The following TCF4 variants were observed in gnomAD, a reference collection of about 807,000 sequenced individuals.
TCF4 encodes the protein transcription factor 4.
A neutral mutation model predicts 82.1 loss-of-function variants in TCF4; 3 were observed. That is an observed-to-expected ratio of 0.04 (90% confidence interval 0.02 to 0.09). TCF4 has a LOEUF of 0.09. Among genes scored for constraint, TCF4 ranks in the 10% least tolerant of loss-of-function variants. The pLI, the probability that TCF4 is intolerant of heterozygous loss-of-function variation, is 1.00. For missense variants in TCF4, 518 were observed against 852.7 expected (o/e 0.61, Z 4.89); for synonymous variants, 276 against 309.6 (o/e 0.89, Z 1.14).
chr18:55,435,568 C>T (rs910974124), intron 5 of TCF4, among the ~76,000 whole-genome samples: 22 of 152,236 alleles, frequency 1.4e-4, no homozygotes, highest in Admixed American at 3.3e-4. Context: ...AACACTGAAA[C>T]ATGGCTTGTA....
chr18:55,259,901 C>T, intron 13 of TCF4, 48 bp downstream of exon 13: 1 of 1,491,930 alleles, frequency 6.7e-7, no homozygotes, highest in East Asian at 2.3e-5. Context: ...AGGGGGGAAT[C>T]ATTCTTATAA....
intron 17 of TCF4, chr18:55,230,890 T>C (rs1379299462): frequency 6.6e-6 from 1 of 152,176 alleles, no homozygotes; most frequent in East Asian, 1.9e-4. Context: ...TGCACGTAAG[T>C]CAAGAACACT....
intron 6 of TCF4, among the ~76,000 whole-genome samples, chr18:55,376,990 G>C (rs1392220612): frequency 6.6e-6 from 1 of 152,146 alleles, no homozygotes; most frequent in Non-Finnish European, 1.5e-5. Context: ...CAGCACACTT[G>C]AATAATGGCT....
intron 3 of TCF4, among the ~76,000 whole-genome samples, chr18:55,580,063 G>T (rs939884707): frequency 6.6e-6 from 1 of 151,968 alleles, no homozygotes; most frequent in African/African-American, 2.4e-5. Context: ...ATAATTTGCT[G>T]ATGCTGTCAA....
chr18:55,635,923 T>G, exon 1 of TCF4: 1 of 1,576,466 alleles, frequency 6.3e-7, no homozygotes, highest in Non-Finnish European at 8.6e-7. Context: ...GCCGCATAAG[T>G]GCCAATCTAC....
intron 3 of TCF4, among the ~76,000 whole-genome samples, chr18:55,533,386 CG>C (rs769941727): frequency 2.0e-5 from 3 of 152,082 alleles, no homozygotes; most frequent in Non-Finnish European, 4.4e-5. Context: ...CAACAGACCA[CG>C]GGGACCCATA....
At chr18:55,293,963 T>TTA (rs11444091) in intron 8 of TCF4, among the ~76,000 whole-genome samples, 4 of 139,958 alleles carry the variant, frequency 2.9e-5, no homozygotes, top group East Asian at 2.1e-4. Context: ...TTTTTTTTTT[T>TTA]AGAATTCATA....
intron 8 of TCF4, among the ~76,000 whole-genome samples, chr18:55,285,660 A>G (rs1261595468): frequency 6.6e-6 from 1 of 152,212 alleles, no homozygotes; most frequent in Non-Finnish European, 1.5e-5. Context: ...TCATCATCAC[A>G]AAAAGGTCTA....
chr18:55,315,263 T>C (rs1389338302), intron 8 of TCF4, among the ~76,000 whole-genome samples: 1 of 152,176 alleles, frequency 6.6e-6, no homozygotes, highest in African/African-American at 2.4e-5. Flanking sequence ...TAAAGTAGTA[T>C]ACTCTCCTAA....
At chr18:55,426,038 G>A (rs1257094506) in intron 5 of TCF4, among the ~76,000 whole-genome samples, 2 of 151,430 alleles carry the variant, frequency 1.3e-5, no homozygotes, top group Admixed American at 1.3e-4. Flanking sequence ...CCATTTTACA[G>A]CAGACTTGTT....
Position 55,292,020 on chromosome 18 carries a change from G to A in TCF4, c.550-12364C>T, listed in dbSNP as rs2065215897. On this transcript the variant is annotated intron_variant, in intron 8 of 19. Coordinates refer to ENST00000354452, the MANE Select transcript of TCF4 (RefSeq NM_001083962.2). ...GGAGGTGAAAGATGAATTAAGAAGG[G>A]CAATAATATTCCTGAGATAGGACCA... Among the ~76,000 whole-genome samples, 3 of 152,124 alleles carry A rather than the reference G, an allele frequency of 2.0e-5. No individual in the cohort carries two copies. In the South Asian group the frequency reaches 6.2e-4, roughly 31 times the overall value.
intron 5 of TCF4, among the ~76,000 whole-genome samples, chr18:55,446,732 C>A (rs545814028): frequency 6.6e-6 from 1 of 152,204 alleles, no homozygotes; most frequent in South Asian, 2.1e-4. Context: ...CGCCTGTAAT[C>A]CCAGTACTTT....
rs931894389 is a variant in TCF4, at chr18:55,426,122, C to T, written c.305-22604G>A. Among the ~76,000 whole-genome samples, 1,207 of 135,408 alleles carry T rather than the reference C, an allele frequency of 8.9e-3. 10 individuals carry two copies. The highest frequency in any genetic ancestry group is 0.028 in the African/African-American group (898 of 31,712). 88.8% of individuals were successfully genotyped at this position (135,408 alleles called of 152,430 possible). A position where few individuals can be genotyped will look rare whatever the true frequency, so the allele number is the denominator to read the frequency against. ...TTTTATATATATATATATATATACACACACACACACACATATATTTTCATA... is the reference window on the plus strand; with the variant it reads ...TTTTATATATATATATATATATACATACACACACACACATATATTTTCATA... On this transcript the variant is annotated intron_variant, in intron 5 of 19. Transcript: ENST00000354452.
intron 3 of TCF4, among the ~76,000 whole-genome samples, chr18:55,528,746 T>C (rs1195896907): frequency 6.6e-6 from 1 of 152,240 alleles, no homozygotes; most frequent in African/African-American, 2.4e-5. Context: ...TATTGACTAT[T>C]TGAAATTCCA....
At chr18:55,309,395 T>A (rs1319401980) in intron 8 of TCF4, among the ~76,000 whole-genome samples, 1 of 152,140 alleles carries the variant, frequency 6.6e-6, no homozygotes, top group African/African-American at 2.4e-5. Context: ...GTGCTGGGAT[T>A]ACAGGCATAA....
At chr18:55,526,576 G>T (rs2096987004) in intron 3 of TCF4, among the ~76,000 whole-genome samples, 3 of 152,100 alleles carry the variant, frequency 2.0e-5, no homozygotes, top group Admixed American at 6.5e-5. Flanking sequence ...ATTAGTTTTG[G>T]GAAATTCTTT....
At chr18:55,468,515 AT>A (rs2096083001) in intron 3 of TCF4, among the ~76,000 whole-genome samples, 1 of 152,240 alleles carries the variant, frequency 6.6e-6, no homozygotes, top group South Asian at 2.1e-4. Context: ...GGCTGGCTCA[AT>A]ACGATAGTTC....
At chr18:55,536,487 A>G (rs989062903) in intron 3 of TCF4, among the ~76,000 whole-genome samples, 3 of 152,228 alleles carry the variant, frequency 2.0e-5, no homozygotes, top group Non-Finnish European at 4.4e-5. Context: ...TCCTAAAAGC[A>G]TACTTTCAGA....
chr18:55,393,501 A>G (rs1469966216), intron 6 of TCF4, among the ~76,000 whole-genome samples: 2 of 152,224 alleles, frequency 1.3e-5, no homozygotes, highest in East Asian at 3.9e-4. Context: ...ATGGATCTCA[A>G]AGAAGTTTGT....
Sources: gnomAD v4.1 joint callset for allele counts (sites outside exome capture counted in the v4.1 genomes callset) on GRCh38, gnomAD v4.1.1 for gene constraint, MANE v1.5 for transcripts, NCBI Gene and HGNC (gene_info 2026-07-23, HGNC 2026-07-21) for gene names.